TBC1D2: variants seen among roughly 807,000 people sequenced by gnomAD.
TBC1D2 encodes TBC1 domain family member 2A.
A neutral mutation model predicts 91.1 loss-of-function variants in TBC1D2; 58 were observed. That is an observed-to-expected ratio of 0.64 (90% confidence interval 0.52 to 0.79). The LOEUF is 0.79. TBC1D2 is among the 30% of genes least tolerant of loss of function. The pLI, the probability that TBC1D2 is intolerant of heterozygous loss-of-function variation, is 0.00. For missense variants in TBC1D2, 1,080 were observed against 1,208.3 expected, an observed-to-expected ratio of 0.89 and a Z score of 1.57; for synonymous variants, 482 against 511.5, an observed-to-expected ratio of 0.94 and a Z score of 0.78.
intron 9 of TBC1D2, among the ~76,000 whole-genome samples, 174 bp from the exon 10 acceptor site, chr9:98,203,582 C>T (rs999413108): frequency 3.9e-5 from 6 of 152,296 alleles, no homozygotes; most frequent in Non-Finnish European, 7.3e-5. Flanking sequence ...GATAAACGCT[C>T]TTTTGGGGAG....
chr9:98,252,055 T>A, intron 1 of TBC1D2, 129 bp from the exon 2 acceptor site: 2 of 1,189,376 alleles, frequency 1.7e-6, no homozygotes, highest in Non-Finnish European at 2.3e-6. Context: ...GGGGTCACTG[T>A]AGGTATGTAT....
In TBC1D2 at chr9:98,232,342, G is replaced by GTTTTTTTTTTTTTTTTTTTTTTT. The variant is rs753455224; in HGVS notation, c.781+1073_781+1074insAAAAAAAAAAAAAAAAAAAAAAA. ...TTTCTTTTCTTCTTTCTCTTTTTCT[G>GTTTTTTTTTTTTTTTTTTTTTTT]TTTTTTTTTTTGACAGTGTCTCACT... On this transcript the variant is annotated intron_variant, in intron 4 of 12. Transcript: ENST00000465784. Among the ~76,000 whole-genome samples the GTTTTTTTTTTTTTTTTTTTTTTT allele has an allele frequency of 5.0e-4, 43 of 86,758 alleles. 3 individuals are homozygous for GTTTTTTTTTTTTTTTTTTTTTTT. Among genetic ancestry groups the GTTTTTTTTTTTTTTTTTTTTTTT allele is most frequent in the Middle Eastern group, 5.7e-3 (1 of 174 alleles). 56.9% of individuals were successfully genotyped at this position (86,758 alleles called of 152,430 possible).
intron 2 of TBC1D2, among the ~76,000 whole-genome samples, chr9:98,248,367 ATGAG>A (rs1214878624): frequency 2.0e-5 from 3 of 152,242 alleles, no homozygotes; most frequent in Non-Finnish European, 4.4e-5. Flanking sequence ...AATGCCCTCC[ATGAG>A]TGACCACACA....
intron 9 of TBC1D2, among the ~76,000 whole-genome samples, chr9:98,208,386 C>T (rs905458398): frequency 6.6e-6 from 1 of 152,294 alleles, no homozygotes; most frequent in East Asian, 1.9e-4. Context: ...TGAAACTGCT[C>T]CACCTCAGAT....
intron 9 of TBC1D2, 131 bp from the exon 10 acceptor site, chr9:98,203,539 T>G: frequency 7.4e-7 from 1 of 1,344,506 alleles, no homozygotes; most frequent in South Asian, 1.4e-5. Flanking sequence ...TCCCACTCCC[T>G]AACCAGATTT....
At chr9:98,200,210 G>A (rs770615942) in intron 12 of TBC1D2, 43 bp downstream of exon 12, 2 of 1,610,762 alleles carry the variant, frequency 1.2e-6, no homozygotes, top group Admixed American at 3.4e-5. Context: ...TGTCCTTGGG[G>A]GTGTGTGAGT....
In TBC1D2 at chr9:98,236,069, T is replaced by C. The variant is rs1829497249; in HGVS notation, c.648-2520A>G. Among the ~76,000 whole-genome samples the C allele has an allele frequency of 2.6e-5, 4 of 151,968 alleles. No individual in the cohort carries two copies. The South Asian group carries it at 8.3e-4, about 32-fold the overall frequency. On this transcript the variant is annotated intron_variant, in intron 3 of 12. Transcript: ENST00000465784. ...AAAAAAAAAAATCAGGGAGTTGTCA[T>C]GATCAAGTCAGCACATACAAAACAT...
At chr9:98,227,797 A>C (rs2119116562) in intron 5 of TBC1D2, among the ~76,000 whole-genome samples, 1 of 151,706 alleles carries the variant, frequency 6.6e-6, no homozygotes, top group South Asian at 2.1e-4. Flanking sequence ...AAAAAAAAAA[A>C]AAGTAACTTC....
At chr9:98,217,285 G>A (rs568543283) in intron 6 of TBC1D2, among the ~76,000 whole-genome samples, 1 of 152,382 alleles carries the variant, frequency 6.6e-6, no homozygotes, top group Admixed American at 6.5e-5. Flanking sequence ...CCCTGGAGAA[G>A]GGGGACCAGG....
At position 98,201,590 on chromosome 9, in the gene TBC1D2, G is replaced by A. The variant is rs766851660; in HGVS notation, c.2346C>T (p.His782=). ...TGAAGGTGACGAGGGAGAGATCCACGTGGTGCTGCCCCAGATGGGCCATCA... is the reference window on the plus strand; with the variant it reads ...TGAAGGTGACGAGGGAGAGATCCACATGGTGCTGCCCCAGATGGGCCATCA... The part of the protein sequence containing the change: ...PRLMAHLGQH[H]VDLSLVTFNW... The change falls in exon 11 of 13, where the codon CAC becomes CAT. Residue 782 remains histidine (H), a synonymous_variant. Coordinates refer to ENST00000465784, the MANE Select transcript of TBC1D2 (RefSeq NM_001267571.2). 30 of 1,614,018 alleles carry A rather than the reference G, an allele frequency of 1.9e-5. No homozygotes were observed. Among genetic ancestry groups the A allele is most frequent in the East Asian group, 2.2e-5 (1 of 44,882 alleles).
chr9:98,225,335 C>T (rs1829205627), intron 5 of TBC1D2, among the ~76,000 whole-genome samples: 1 of 152,216 alleles, frequency 6.6e-6, no homozygotes, highest in East Asian at 1.9e-4. Flanking sequence ...GCCAGTGCTG[C>T]AGGTATGGGG....
At chr9:98,253,566 T>G (rs1334399028) in intron 1 of TBC1D2, among the ~76,000 whole-genome samples, 1 of 152,210 alleles carries the variant, frequency 6.6e-6, no homozygotes, top group Non-Finnish European at 1.5e-5. Flanking sequence ...CCTCTGTTTT[T>G]CTGGCTCATG....
Position 98,232,227 on chromosome 9 carries a change from G to A in TBC1D2, c.781+1189C>T, listed in dbSNP as rs192401060. Among the ~76,000 whole-genome samples, 6 of 152,098 alleles carry A rather than the reference G, an allele frequency of 3.9e-5. No individual in the cohort carries two copies. In the East Asian group the frequency reaches 1.2e-3, roughly 29 times the overall value. ...TAACTGCTAGTGTTATGATGATGGT[G>A]ACTCATCCGATATAGCACTGGCCTT... On this transcript the variant is annotated intron_variant, in intron 4 of 12. Coordinates refer to ENST00000465784, the MANE Select transcript of TBC1D2 (RefSeq NM_001267571.2).
intron 1 of TBC1D2, 133 bp downstream of exon 1, chr9:98,255,040 G>A: frequency 1.4e-6 from 2 of 1,429,974 alleles, no homozygotes; most frequent in Non-Finnish European, 1.9e-6. Context: ...ACTTTGCAAA[G>A]CACAAAGTTC....
At position 98,216,743 on chromosome 9, in the gene TBC1D2, C is replaced by A. The variant is rs543939983; in HGVS notation, c.1375-3525G>T. Among the ~76,000 whole-genome samples, 34 of 152,248 alleles carry A rather than the reference C, an allele frequency of 2.2e-4. 1 individual carries two copies. The East Asian group carries it at 4.2e-3, about 19-fold the overall frequency. ...TTTTAGAGAAAGGGTCTCACTTTGTCACCCAGGCTGGAATGCAATGGCATG... is the reference window on the plus strand; with the variant it reads ...TTTTAGAGAAAGGGTCTCACTTTGTAACCCAGGCTGGAATGCAATGGCATG... On this transcript the variant is annotated intron_variant, in intron 6 of 12. Transcript: ENST00000465784.
At chr9:98,227,020 C>T (rs2058197212) in intron 5 of TBC1D2, among the ~76,000 whole-genome samples, 1 of 152,210 alleles carries the variant, frequency 6.6e-6, no homozygotes, top group Non-Finnish European at 1.5e-5. Context: ...AGAGAGGCTG[C>T]CCGTATATTC....
chr9:98,219,549 C>A (rs149896154), intron 6 of TBC1D2, among the ~76,000 whole-genome samples: 3 of 152,336 alleles, frequency 2.0e-5, no homozygotes, highest in African/African-American at 7.2e-5. Context: ...TGGACGCAGA[C>A]AAACCTAGGT....
At chr9:98,237,238 G>C (rs1829527067) in intron 3 of TBC1D2, among the ~76,000 whole-genome samples, 1 of 151,858 alleles carries the variant, frequency 6.6e-6, no homozygotes, top group African/African-American at 2.4e-5. Flanking sequence ...TCGGGAGGCT[G>C]AGGCAGGAGA....
At chr9:98,231,498 T>C (rs563840277) in intron 4 of TBC1D2, among the ~76,000 whole-genome samples, 2 of 152,270 alleles carry the variant, frequency 1.3e-5, no homozygotes, top group East Asian at 3.9e-4. Flanking sequence ...TGTTGAGATA[T>C]TCAACACTTT....
Sources: allele counts gnomAD v4.1 joint callset (sites outside exome capture counted in the v4.1 genomes callset), GRCh38; gene constraint gnomAD v4.1.1; transcripts MANE v1.5; gene names NCBI Gene and HGNC (gene_info 2026-07-23, HGNC 2026-07-21).